RUSC2: variants seen among roughly 807,000 people sequenced by gnomAD.
RUSC2 encodes the protein RUN and SH3 domain containing 2, also known as AP-4 complex accessory subunit RUSC2.
A neutral mutation model predicts 122.2 loss-of-function variants in RUSC2; 34 were observed. That is an observed-to-expected ratio of 0.28 (90% CI 0.21 to 0.37). The LOEUF is 0.37. Among genes scored for constraint, RUSC2 ranks in the 10% least tolerant of loss-of-function variants. The pLI is 1.00. For missense variants in RUSC2, 1,747 were observed against 1,952.4 expected (o/e 0.89, Z 1.98); for synonymous variants, 784 against 790.0 (o/e 0.99, Z 0.13).
chr9:35,500,682 A>G (rs1341038730), intron 1 of RUSC2, among the ~76,000 whole-genome samples: 1 of 152,190 alleles, frequency 6.6e-6, no homozygotes, highest in African/African-American at 2.4e-5. Flanking sequence ...CCTCTTGCCA[A>G]TTATTCCCTC....
Position 35,548,168 on chromosome 9 carries a change from G to A in RUSC2, c.1647G>A (p.Lys549=), listed in dbSNP as rs1821807633. The change falls in exon 2 of 12, where the codon AAG becomes AAA. Residue 549 remains lysine, a synonymous_variant. Transcript: ENST00000361226. This position sits in a 1 kb window ranked among gnomAD's most constrained non-coding sequence, Gnocchi z 4.5. The stretch of plus-strand genomic sequence containing the variant: ...TCACCTCCTTTGCCGAGCTGGCCAA[G>A]GGCCGGAAGAAAACTGGAGGCTCTG... ...RRVTSFAELA[K]GRKKTGGSGS... 6.2e-7 allele frequency: 1 copy of A among 1,613,244 alleles called. No individual in the cohort carries two copies. Among genetic ancestry groups the A allele is most frequent in the Non-Finnish European group, 8.5e-7 (1 of 1,180,030 alleles).
chr9:35,560,912 G>C (rs558840551), intron 10 of RUSC2, 48 bp from the exon 11 acceptor site: 1 of 1,598,194 alleles, frequency 6.3e-7, no homozygotes, highest in Admixed American at 1.7e-5. Context: ...GCCAGGGCAC[G>C]GGCAGAGCCC....
In RUSC2 at chr9:35,547,904, G is replaced by T; in HGVS notation, c.1383G>T (p.Val461=). The T allele has an allele frequency of 6.2e-7, 1 of 1,614,210 alleles. No individual in the cohort carries two copies. The highest frequency in any genetic ancestry group is 2.2e-5 in the East Asian group (1 of 44,880). The change falls in exon 2 of 12, where the codon GTG becomes GTT. Residue 461 remains valine, a synonymous_variant. Transcript: ENST00000361226. This position sits in a 1 kb window ranked among gnomAD's most constrained non-coding sequence, Gnocchi z 4.6. ...PEVQPEEQEA[V]SSSTQAAAAV... Reference sequence around the variant, plus strand: ...TCCAGCCAGAGGAACAAGAAGCAGTGAGTTCCTCCACCCAAGCAGCAGCTG... The same window carrying T: ...TCCAGCCAGAGGAACAAGAAGCAGTTAGTTCCTCCACCCAAGCAGCAGCTG...
rs1822019394 is a variant in RUSC2 at position 35,556,362 on chromosome 9, C to T, written c.2897C>T (p.Ser966Phe). The change falls in exon 5 of 12, where the codon TCC (serine) becomes TTC (phenylalanine). Residue 966 changes from serine to phenylalanine, a missense_variant. By Grantham distance (155) the Ser-to-Phe change is radical. Transcript: ENST00000361226. ...LTCPDFQDPF[S>F]LTEKPPAEFC... ...TGCCCTGACTTCCAGGACCCCTTTTCCTTGACGGAGAAGCCTCCAGCTGAG... is the reference window on the plus strand; with the variant it reads ...TGCCCTGACTTCCAGGACCCCTTTTTCTTGACGGAGAAGCCTCCAGCTGAG... The T allele has an allele frequency of 6.2e-7, 1 of 1,614,242 alleles. No homozygotes were observed. Among genetic ancestry groups the T allele is most frequent in the Non-Finnish European group, 8.5e-7 (1 of 1,180,044 alleles).
chr9:35,521,831 G>A (rs62543255), intron 1 of RUSC2, among the ~76,000 whole-genome samples: 15,902 of 152,216 alleles, frequency 0.1, 1,055 homozygotes, highest in East Asian at 0.15. Context: ...AACATGATAC[G>A]AGTTAGAAAC....
chr9:35,513,420 T>G (rs1172435532), intron 1 of RUSC2, among the ~76,000 whole-genome samples: 1 of 151,930 alleles, frequency 6.6e-6, no homozygotes, highest in African/African-American at 2.4e-5. Flanking sequence ...TTTTCATATT[T>G]TTAGTAGAGA....
chr9:35,495,021 T>TTTATACTATAGTATATA (rs1820654948), intron 1 of RUSC2, among the ~76,000 whole-genome samples: 3 of 17,754 alleles, frequency 1.7e-4, no homozygotes, highest in Non-Finnish European at 2.7e-4. Flanking sequence ...CAGTATATAT[T>TTTATACTATAGTATATA]TTATATATTA....
chr9:35,508,020 C>T (rs1820947975), intron 1 of RUSC2: 1 of 152,796 alleles, frequency 6.5e-6, no homozygotes, highest in African/African-American at 2.4e-5. Flanking sequence ...CTACTCTACT[C>T]TTTGCAACAA....
rs1211651301 is a variant in RUSC2, at chr9:35,513,934, ATATATTAC to A, written c.-93+23764_-93+23771del. The stretch of plus-strand genomic sequence containing the variant: ...TATATATATATATATATATATATAT[ATATATTAC>A]TTTATGTGTCTTTATAATGTTATTT... On this transcript the variant is annotated intron_variant, in intron 1 of 11. Coordinates refer to ENST00000361226, the MANE Select transcript of RUSC2 (RefSeq NM_014806.5). 4.5e-5 allele frequency among the ~76,000 whole-genome samples: 6 copies of A among 134,664 alleles called. No homozygotes were observed. The South Asian group carries it at 9.7e-4, about 22-fold the overall frequency. The allele number at this position is 134,664 out of a possible 152,430, so 88.3% of individuals were successfully genotyped here.
At chr9:35,492,082 C>G (rs1479583328) in intron 1 of RUSC2, among the ~76,000 whole-genome samples, 1 of 152,078 alleles carries the variant, frequency 6.6e-6, no homozygotes, top group Non-Finnish European at 1.5e-5. Flanking sequence ...GCCTTTTCTA[C>G]TTTTTCCTGT....
chr9:35,546,350 T>G lies in RUSC2; in HGVS notation c.-92-80T>G. 2.4e-6 allele frequency: 1 copy of G among 418,832 alleles called. No individual in the cohort carries two copies. Among genetic ancestry groups the G allele is most frequent in the Non-Finnish European group, 4.1e-6 (1 of 245,064 alleles). 25.9% of individuals were successfully genotyped at this position (418,832 alleles called of 1,614,324 possible). Reference sequence around the variant, plus strand: ...TTCTCTTCCTGGGCTCTTCTCCATCTGAAAATGATGTAGGGAAGGGCATGC... The same window carrying G: ...TTCTCTTCCTGGGCTCTTCTCCATCGGAAAATGATGTAGGGAAGGGCATGC... On this transcript the variant is annotated intron_variant, in intron 1 of 11. Transcript: ENST00000361226. This position sits in a 1 kb window ranked among gnomAD's most constrained non-coding sequence, Gnocchi z 4.3.
chr9:35,495,086 A>G (rs1398865794), intron 1 of RUSC2, among the ~76,000 whole-genome samples: 3 of 75,472 alleles, frequency 4.0e-5, no homozygotes, highest in African/African-American at 6.4e-5. Context: ...TATAGTATAT[A>G]TTATATATAC....
At position 35,548,412 on chromosome 9, in the gene RUSC2, C is replaced by T; in HGVS notation, c.1891C>T (p.Pro631Ser). 2 of 1,614,020 alleles carry T rather than the reference C, an allele frequency of 1.2e-6. No individual in the cohort carries two copies. The highest frequency in any genetic ancestry group is 1.7e-6 in the Non-Finnish European group (2 of 1,180,018). The change falls in exon 2 of 12, where the codon CCT becomes TCT. Residue 631 changes from proline (P) to serine (S), a missense_variant. Pro to Ser is a moderately conservative substitution (Grantham distance 74). Coordinates refer to ENST00000361226, the MANE Select transcript of RUSC2 (RefSeq NM_014806.5). This position sits in a 1 kb window ranked among gnomAD's most constrained non-coding sequence, Gnocchi z 4.5. ...VCQGPHSSEM[P>S]PAGLRATGQG... ...TCAGGGACCCCACTCCAGTGAGATG[C>T]CTCCTGCTGGCCTCAGAGCTACTGG...
intron 1 of RUSC2, among the ~76,000 whole-genome samples, chr9:35,527,934 C>A (rs1375825941): frequency 6.6e-6 from 1 of 152,176 alleles, no homozygotes; most frequent in Non-Finnish European, 1.5e-5. Context: ...CAAGTATGGT[C>A]ATCTTGGCTG....
rs760927545 is a variant in RUSC2, at chr9:35,555,219, G to A, written c.2174G>A (p.Cys725Tyr). The A allele has an allele frequency of 5.0e-6, 8 of 1,612,882 alleles. No individual in the cohort carries two copies. Among genetic ancestry groups the A allele is most frequent in the East Asian group, 2.2e-5 (1 of 44,880 alleles). ...TCCCAGCTCTACAGCCTCTCAGGCT[G>A]CAGCCGTACACAGCAGCCTGCCCCA... ...SLSQLYSLSG[C>Y]SRTQQPAPLA... The change falls in exon 3 of 12, where the codon TGC becomes TAC. Residue 725 changes from cysteine to tyrosine, a missense_variant. Coordinates refer to ENST00000361226, the MANE Select transcript of RUSC2 (RefSeq NM_014806.5). The surrounding 1 kb of genome is among the most constrained non-coding windows in gnomAD (Gnocchi z 4.6).
intron 2 of RUSC2, among the ~76,000 whole-genome samples, chr9:35,550,480 G>A (rs1408699665): frequency 6.6e-6 from 1 of 151,790 alleles, no homozygotes. Flanking sequence ...ACAAAAATTA[G>A]CCGGGTGTGG....
intron 1 of RUSC2, among the ~76,000 whole-genome samples, chr9:35,540,256 C>G (rs138053166): frequency 1.3e-5 from 2 of 152,208 alleles, no homozygotes; most frequent in East Asian, 3.9e-4. Flanking sequence ...GTAGTCCCAG[C>G]TACTAAGGAG....
chr9:35,559,385 C>T (rs1306478852), intron 9 of RUSC2, 113 bp downstream of exon 9: 5 of 900,116 alleles, frequency 5.6e-6, no homozygotes, highest in Admixed American at 3.6e-5. Flanking sequence ...ACCACACAAG[C>T]GTTCATCCTC....
chr9:35,503,377 G>A (rs965015259), intron 1 of RUSC2, among the ~76,000 whole-genome samples: 2 of 152,094 alleles, frequency 1.3e-5, no homozygotes, highest in African/African-American at 4.8e-5. Flanking sequence ...TTCCATTCCC[G>A]AGTTACTTCA....
Sources: allele counts gnomAD v4.1 joint callset (sites outside exome capture counted in the v4.1 genomes callset), GRCh38; gene constraint gnomAD v4.1.1; non-coding constraint Gnocchi (gnomAD v3.1); transcripts MANE v1.5; gene names NCBI Gene and HGNC (gene_info 2026-07-23, HGNC 2026-07-21).